DIP2B: variants seen among roughly 807,000 people sequenced by gnomAD.
DIP2B encodes DIP2 acetate--CoA ligase B (putative), also known as disco-interacting protein 2 homolog B.
In DIP2B, 76 loss-of-function variants were observed where a neutral mutation model predicts 198.0. The observed-to-expected ratio is 0.38, with a 90% CI of 0.32 to 0.46. The LOEUF (loss-of-function observed/expected upper bound fraction) is 0.46, where lower values mean the gene tolerates loss of function less well. DIP2B is among the 20% of genes least tolerant of loss of function. DIP2B has a pLI of 0.99. For missense variants in DIP2B, 1,559 were observed against 1,978.4 expected (o/e 0.79, Z 4.02); for synonymous variants, 701 against 739.1 (o/e 0.95, Z 0.84).
chr12:50,739,785 C>A (rs1027339771), intron 36 of DIP2B, among the ~76,000 whole-genome samples, 199 bp downstream of exon 36: 2 of 152,234 alleles, frequency 1.3e-5, no homozygotes, highest in African/African-American at 4.8e-5. Context: ...GCGCTTGGGG[C>A]AAGCCCAGGA....
Position 50,727,819 on chromosome 12 carries a change from T to G in DIP2B, c.3510+7T>G. ...CATGCTTACAGGAGTGAAGGTAAGG[T>G]GCATGCTGGAAAAATGCCACATCTG... On this transcript the variant is annotated splice_region_variant and intron_variant, in intron 29 of 37. Transcript: ENST00000301180. 6.2e-7 allele frequency: 1 copy of G among 1,611,110 alleles called. No individual in the cohort carries two copies. The highest frequency in any genetic ancestry group is 8.5e-7 in the Non-Finnish European group (1 of 1,178,686).
At position 50,629,946 on chromosome 12, in the gene DIP2B, A is replaced by T. The variant is rs939270535; in HGVS notation, c.172+3899A>T. Among the ~76,000 whole-genome samples the T allele has an allele frequency of 3.7e-4, 52 of 141,622 alleles. 1 individual carries two copies. Among genetic ancestry groups the T allele is most frequent in the Middle Eastern group, 7.4e-3 (2 of 270 alleles). The allele number at this position is 141,622 out of a possible 152,430, so 92.9% of individuals were successfully genotyped here. ...TTCTTGAGCCAGTTTTGGTAAATTT[A>T]ATTTTTTTTTTTTTTTTTTTAATGA... On this transcript the variant is annotated intron_variant, in intron 2 of 37. Transcript: ENST00000301180.
chr12:50,682,775 A>G (rs1425275608), intron 9 of DIP2B, among the ~76,000 whole-genome samples: 2 of 152,008 alleles, frequency 1.3e-5, no homozygotes, highest in East Asian at 1.9e-4. Context: ...GATCCATTAC[A>G]TTTATTTTAT....
At chr12:50,727,091 C>T (rs893882186) in intron 28 of DIP2B, among the ~76,000 whole-genome samples, 4 of 152,142 alleles carry the variant, frequency 2.6e-5, no homozygotes, top group Non-Finnish European at 1.5e-5. Flanking sequence ...GCACTCCAAC[C>T]TTGGCAATAG....
intron 5 of DIP2B, among the ~76,000 whole-genome samples, chr12:50,672,956 C>A (rs1938880079): frequency 6.6e-6 from 1 of 152,188 alleles, no homozygotes; most frequent in Non-Finnish European, 1.5e-5. Context: ...GTGTGACTCT[C>A]TGCCCTGGTT....
intron 9 of DIP2B, among the ~76,000 whole-genome samples, chr12:50,682,650 A>AAAAAAAG (rs2139537207): frequency 1.3e-5 from 2 of 151,486 alleles, no homozygotes; most frequent in African/African-American, 4.8e-5. Context: ...AAAAAAAAAA[A>AAAAAAAG]AAAGAGTAGG....
intron 1 of DIP2B, among the ~76,000 whole-genome samples, chr12:50,513,677 C>T (rs1208955183): frequency 2.6e-5 from 4 of 152,096 alleles, no homozygotes; most frequent in Admixed American, 6.6e-5. Context: ...AGTTTGAGAC[C>T]AGCCTGGCTA....
intron 1 of DIP2B, among the ~76,000 whole-genome samples, chr12:50,617,391 A>C (rs1414035010): frequency 6.6e-6 from 1 of 151,648 alleles, no homozygotes; most frequent in African/African-American, 2.4e-5. Context: ...TCCTGACCTC[A>C]TGATCCACCT....
intron 1 of DIP2B, among the ~76,000 whole-genome samples, chr12:50,587,249 G>T (rs1031332620): frequency 6.6e-6 from 1 of 152,142 alleles, no homozygotes; most frequent in Non-Finnish European, 1.5e-5. Flanking sequence ...ACAAAGTCCA[G>T]GTCCCCTTTT....
At chr12:50,526,060 T>C (rs1342194333) in intron 1 of DIP2B, among the ~76,000 whole-genome samples, 1 of 152,246 alleles carries the variant, frequency 6.6e-6, no homozygotes, top group Non-Finnish European at 1.5e-5. Context: ...AAAATGTTTG[T>C]TTTTTGAGTG....
intron 2 of DIP2B, among the ~76,000 whole-genome samples, chr12:50,634,643 C>A (rs1483188503): frequency 1.3e-5 from 2 of 152,178 alleles, no homozygotes; most frequent in African/African-American, 4.8e-5. Flanking sequence ...TATAAATAGT[C>A]CCCACTTCCA....
At position 50,647,544 on chromosome 12, in the gene DIP2B, T is replaced by G. The variant is rs1938371411; in HGVS notation, c.301+6692T>G. Among the ~76,000 whole-genome samples the G allele has an allele frequency of 2.0e-5, 3 of 152,306 alleles. No homozygotes were observed. In the South Asian group the frequency reaches 6.2e-4, roughly 32 times the overall value. On this transcript the variant is annotated intron_variant, in intron 3 of 37. Coordinates refer to ENST00000301180, the MANE Select transcript of DIP2B (RefSeq NM_173602.3). ...TGTGATATCCTATTTCAGAAGTTAGTCGTTGCTGCCTCTGCAAGAGGTCAG... is the reference window on the plus strand; with the variant it reads ...TGTGATATCCTATTTCAGAAGTTAGGCGTTGCTGCCTCTGCAAGAGGTCAG...
At chr12:50,549,879 T>C (rs2139384807) in intron 1 of DIP2B, among the ~76,000 whole-genome samples, 1 of 152,258 alleles carries the variant, frequency 6.6e-6, no homozygotes, top group South Asian at 2.1e-4. Flanking sequence ...TTTTCTTTTT[T>C]AGATAGAGAT....
intron 2 of DIP2B, among the ~76,000 whole-genome samples, chr12:50,634,234 A>G (rs1201615101): frequency 2.0e-5 from 3 of 152,202 alleles, no homozygotes; most frequent in African/African-American, 7.2e-5. Flanking sequence ...CGTGGCCGAA[A>G]GAATTGAAGT....
At chr12:50,731,781 G>C (rs911073920) in intron 31 of DIP2B, among the ~76,000 whole-genome samples, 6 of 152,148 alleles carry the variant, frequency 3.9e-5, no homozygotes, top group Non-Finnish European at 8.8e-5. Context: ...TGGTTGGGAG[G>C]CTAACTGGAA....
chr12:50,508,863 C>T (rs1237322323), intron 1 of DIP2B, among the ~76,000 whole-genome samples: 2 of 152,090 alleles, frequency 1.3e-5, no homozygotes, highest in African/African-American at 2.4e-5. Context: ...TGCGCCACCA[C>T]GCCTGGCTAA....
intron 19 of DIP2B, among the ~76,000 whole-genome samples, chr12:50,702,259 C>T (rs186440407): frequency 4.6e-5 from 7 of 152,066 alleles, no homozygotes; most frequent in Middle Eastern, 3.4e-3. Flanking sequence ...CACAGGAGAA[C>T]GGCTTGAACC....
In DIP2B at chr12:50,567,044, T is replaced by G. The variant is rs150541675; in HGVS notation, c.101-58932T>G. Among the ~76,000 whole-genome samples the G allele has an allele frequency of 5.7e-3, 860 of 152,160 alleles. 9 individuals carry two copies. The highest frequency in any genetic ancestry group is 0.017 in the African/African-American group (720 of 41,496). On this transcript the variant is annotated intron_variant, in intron 1 of 37. Coordinates refer to ENST00000301180, the MANE Select transcript of DIP2B (RefSeq NM_173602.3). ...TGATCTGTATGTGCACTGACTTTTTTTTTGTTTGTTTTTTGCTATCACAAT... is the reference window on the plus strand; with the variant it reads ...TGATCTGTATGTGCACTGACTTTTTGTTTGTTTGTTTTTTGCTATCACAAT...
intron 26 of DIP2B, among the ~76,000 whole-genome samples, chr12:50,722,944 A>G (rs1454040513): frequency 6.6e-6 from 1 of 152,142 alleles, no homozygotes; most frequent in Non-Finnish European, 1.5e-5. Context: ...AATAATATCA[A>G]TATACCTTCT....
Sources: allele counts gnomAD v4.1 joint callset (sites outside exome capture counted in the v4.1 genomes callset), GRCh38; gene constraint gnomAD v4.1.1; transcripts MANE v1.5; gene names NCBI Gene and HGNC (gene_info 2026-07-23, HGNC 2026-07-21).